Variants in RANBP2 observed in about 807,000 individuals in gnomAD.
RANBP2 encodes E3 SUMO-protein ligase RanBP2.
RANBP2 carries 57 observed loss-of-function variants against 303.6 expected under a neutral mutation model. The ratio of observed to expected loss-of-function variants is 0.19; its 90% confidence interval spans 0.15 to 0.23. The LOEUF is 0.23. Among genes scored for constraint, RANBP2 ranks in the 10% least tolerant of loss-of-function variants. The probability of loss-of-function intolerance (pLI) is 1.00; values close to 1 mark genes in which losing one functional copy is unlikely to be tolerated. For synonymous variants in RANBP2, 1,167 were observed against 1,301.5 expected (o/e 0.90, Z 2.23); for missense variants, 3,138 against 3,780.8 (o/e 0.83, Z 4.46).
the RANBP2 span, among the ~76,000 whole-genome samples, chr2:108,978,778 G>A: frequency 1.3e-5 from 2 of 152,182 alleles, no homozygotes; most frequent in East Asian, 3.9e-4. Context: ...GTAAGCTGGA[G>A]AAAAGACGGG....
At chr2:109,142,013 C>G in the RANBP2 span, among the ~76,000 whole-genome samples, 57 of 151,334 alleles carry the variant, frequency 3.8e-4, no homozygotes, top group African/African-American at 1.4e-3. Context: ...GCCCCCTGCC[C>G]AAGTCCTCTT....
At chr2:109,665,166 C>A in the RANBP2 span, 1 of 152,312 alleles carries the variant, frequency 6.6e-6, no homozygotes, top group South Asian at 2.0e-4. Flanking sequence ...AAATGTCTTT[C>A]TTTGCTTGTG....
intron 1 of RANBP2, among the ~76,000 whole-genome samples, chr2:108,728,164 C>G (rs1203259619): frequency 6.6e-6 from 1 of 152,132 alleles, no homozygotes; most frequent in Non-Finnish European, 1.5e-5. Flanking sequence ...CCTTTCCTCC[C>G]CAAAGAAAGC....
At chr2:109,363,986 T>G in the RANBP2 span, among the ~76,000 whole-genome samples, 1 of 152,214 alleles carries the variant, frequency 6.6e-6, no homozygotes, top group Non-Finnish European at 1.5e-5. Context: ...TTCCTGGATC[T>G]GTGGTTTGGT....
At chr2:109,156,897 G>A in the RANBP2 span, among the ~76,000 whole-genome samples, 2 of 152,200 alleles carry the variant, frequency 1.3e-5, no homozygotes, top group Non-Finnish European at 2.9e-5. Context: ...AATGGCTAAT[G>A]GAGGCAGTTA....
chr2:109,736,940 A>G, the RANBP2 span, among the ~76,000 whole-genome samples: 1 of 152,066 alleles, frequency 6.6e-6, no homozygotes, highest in East Asian at 1.9e-4. Flanking sequence ...TACTACCACA[A>G]GAATTGACAT....
At chr2:109,217,555 C>T in the RANBP2 span, among the ~76,000 whole-genome samples, 9 of 152,288 alleles carry the variant, frequency 5.9e-5, no homozygotes, top group South Asian at 4.1e-4. Context: ...GTTGAGCTTC[C>T]GGCAGATTTT....
At chr2:108,735,131 CAG>C (rs1350480444) in intron 4 of RANBP2, among the ~76,000 whole-genome samples, 1 of 152,072 alleles carries the variant, frequency 6.6e-6, no homozygotes, top group Non-Finnish European at 1.5e-5. Context: ...ATGAAGGTAA[CAG>C]AACAGTGGGA....
the RANBP2 span, chr2:108,812,802 G>T: frequency 6.2e-7 from 1 of 1,610,954 alleles, no homozygotes; most frequent in Non-Finnish European, 8.5e-7. Context: ...TTTAATTCAC[G>T]CATATATACT....
the RANBP2 span, among the ~76,000 whole-genome samples, chr2:108,792,078 A>T: frequency 4.5e-3 from 688 of 152,348 alleles, 4 homozygotes; most frequent in African/African-American, 0.016. Flanking sequence ...TTTGACTACA[A>T]TATTTTGAGA....
the RANBP2 span, chr2:109,593,220 G>A: frequency 4.2e-6 from 3 of 711,560 alleles, no homozygotes; most frequent in Admixed American, 3.3e-5. Context: ...TTATAATAAT[G>A]TTGTTATCAC....
chr2:109,567,049 A>C, the RANBP2 span, among the ~76,000 whole-genome samples: 1 of 152,302 alleles, frequency 6.6e-6, no homozygotes, highest in East Asian at 1.9e-4. Flanking sequence ...AGGTACACTA[A>C]TATAAAAGTG....
the RANBP2 span, among the ~76,000 whole-genome samples, chr2:109,693,882 A>C: frequency 6.6e-6 from 1 of 152,158 alleles, no homozygotes; most frequent in African/African-American, 2.4e-5. Context: ...GCCCATCTTC[A>C]ACCTTGGCAA....
the RANBP2 span, among the ~76,000 whole-genome samples, chr2:109,330,306 G>T: frequency 1.3e-5 from 2 of 152,104 alleles, no homozygotes; most frequent in East Asian, 3.9e-4. Context: ...CGAAACTAAA[G>T]AAAAGGGGCA....
chr2:109,014,677 G>A, the RANBP2 span, among the ~76,000 whole-genome samples: 8 of 152,318 alleles, frequency 5.3e-5, no homozygotes, highest in African/African-American at 1.7e-4. Flanking sequence ...CAGTTCACTG[G>A]CAGAGACCTT....
At chr2:109,598,708 C>T in the RANBP2 span, among the ~76,000 whole-genome samples, 2 of 151,360 alleles carry the variant, frequency 1.3e-5, no homozygotes, top group Admixed American at 1.3e-4. Flanking sequence ...CCAGGCATGG[C>T]AGTGCATGCC....
At chr2:109,380,410 T>C in the RANBP2 span, among the ~76,000 whole-genome samples, 3 of 152,200 alleles carry the variant, frequency 2.0e-5, no homozygotes, top group Non-Finnish European at 2.9e-5. Context: ...CTAGCTACCC[T>C]GTGCACCTGT....
the RANBP2 span, among the ~76,000 whole-genome samples, chr2:108,894,144 T>G: frequency 1.3e-5 from 2 of 152,208 alleles, no homozygotes; most frequent in African/African-American, 4.8e-5. Flanking sequence ...AATAAATGAC[T>G]GTTGCTTTAA....
chr2:109,133,933 G>C, the RANBP2 span, among the ~76,000 whole-genome samples: 1 of 152,170 alleles, frequency 6.6e-6, no homozygotes. Flanking sequence ...GACTTTGGCT[G>C]TGTTACAGAG....
Sources: gnomAD v4.1 joint callset for allele counts (sites outside exome capture counted in the v4.1 genomes callset) on GRCh38, gnomAD v4.1.1 for gene constraint, MANE v1.5 for transcripts, NCBI Gene and HGNC (gene_info 2026-07-23, HGNC 2026-07-21) for gene names.